PPEF1: variants seen among roughly 807,000 people sequenced by gnomAD.
PPEF1 encodes the protein protein phosphatase with EF-hand domain 1.
In PPEF1, 12 loss-of-function variants were observed where a neutral mutation model predicts 53.3. That is an observed-to-expected ratio of 0.23 (90% CI 0.14 to 0.36). The LOEUF is 0.36. PPEF1 is among the 10% of genes least tolerant of loss of function. The probability of loss-of-function intolerance (pLI) is 1.00; values close to 1 mark genes in which losing one functional copy is unlikely to be tolerated. For missense variants in PPEF1, 334 were observed against 490.4 expected, an observed-to-expected ratio of 0.68 and a Z score of 3.01; for synonymous variants, 165 against 176.7, an observed-to-expected ratio of 0.93 and a Z score of 0.52.
At chrX:18,716,251 C>T (rs180783285) in intron 1 of PPEF1, among the ~76,000 whole-genome samples, 85 of 111,689 alleles carry the variant, frequency 7.6e-4, no homozygotes, top group Non-Finnish European at 1.3e-3. Flanking sequence ...ATCAAACAAT[C>T]GCCAGGCGCG....
chrX:18,801,297 A>G (rs2046540976), intron 10 of PPEF1, among the ~76,000 whole-genome samples: 1 of 111,431 alleles, frequency 9.0e-6, no homozygotes, highest in African/African-American at 3.3e-5. Flanking sequence ...TACTTATTCC[A>G]GGGTAGCTCT....
intron 6 of PPEF1, among the ~76,000 whole-genome samples, chrX:18,765,430 A>G (rs1569259509): frequency 9.0e-6 from 1 of 111,645 alleles, no homozygotes; most frequent in Non-Finnish European, 1.9e-5. Context: ...TATGGGATTC[A>G]TGCCAAATGA....
chrX:18,698,162 A>G (rs1213468331), intron 5 of PPEF1, among the ~76,000 whole-genome samples: 1 of 112,299 alleles, frequency 8.9e-6, no homozygotes, highest in Admixed American at 9.4e-5. Flanking sequence ...TCAGTGCTCA[A>G]TAGATATTAT....
intron 4 of PPEF1, among the ~76,000 whole-genome samples, chrX:18,696,331 T>TTG (rs1444455477): frequency 9.3e-6 from 1 of 107,500 alleles, no homozygotes; most frequent in Non-Finnish European, 1.9e-5. Context: ...TTTTTTTTTT[T>TTG]TTTTAGTAGA....
At chrX:18,800,220 G>A (rs2046521273) in intron 10 of PPEF1, among the ~76,000 whole-genome samples, 1 of 111,305 alleles carries the variant, frequency 9.0e-6, no homozygotes, top group African/African-American at 3.3e-5. Context: ...CCCATCATAT[G>A]TGCATTGAAT....
intron 1 of PPEF1, among the ~76,000 whole-genome samples, chrX:18,712,270 T>C (rs1046212569): frequency 1.8e-5 from 2 of 111,707 alleles, no homozygotes; most frequent in Non-Finnish European, 3.8e-5. Context: ...ATATTAACAA[T>C]TAAATAATCT....
chrX:18,756,727 C>A (rs1213108887), intron 4 of PPEF1, among the ~76,000 whole-genome samples: 1 of 111,856 alleles, frequency 8.9e-6, no homozygotes, highest in Non-Finnish European at 1.9e-5. Flanking sequence ...ATCCAAAGAC[C>A]CAGAGAAATT....
intron 3 of PPEF1, among the ~76,000 whole-genome samples, chrX:18,742,934 T>C (rs747034543): frequency 8.9e-6 from 1 of 112,174 alleles, no homozygotes; most frequent in Non-Finnish European, 1.9e-5. Context: ...CTTTACATGA[T>C]GGCTGGGTCC....
intron 10 of PPEF1, among the ~76,000 whole-genome samples, chrX:18,792,046 A>G (rs1452002806): frequency 8.9e-6 from 1 of 112,700 alleles, no homozygotes; most frequent in Non-Finnish European, 1.9e-5. Flanking sequence ...GTCATGATGT[A>G]TAATCCACCT....
intron 12 of PPEF1, among the ~76,000 whole-genome samples, chrX:18,813,847 A>G (rs1481792933): frequency 8.9e-6 from 1 of 111,902 alleles, no homozygotes; most frequent in African/African-American, 3.2e-5. Flanking sequence ...TTAAAATTTC[A>G]ACTTTTATTT....
intron 3 of PPEF1, among the ~76,000 whole-genome samples, chrX:18,687,034 C>T (rs1045904186): frequency 9.0e-6 from 1 of 111,581 alleles, no homozygotes; most frequent in African/African-American, 3.3e-5. Context: ...GATGGCTGCT[C>T]CTCCTCCAGG....
chrX:18,780,375 A>C (rs1298305198), intron 7 of PPEF1, among the ~76,000 whole-genome samples: 1 of 112,297 alleles, frequency 8.9e-6, no homozygotes, highest in Non-Finnish European at 1.9e-5. Context: ...ACTTATGCAG[A>C]GCTCAGGACA....
chrX:18,819,403 C>T (rs2046986018), intron 13 of PPEF1, among the ~76,000 whole-genome samples: 1 of 111,983 alleles, frequency 8.9e-6, no homozygotes, highest in Admixed American at 9.5e-5. Context: ...TATAAACAGG[C>T]CAGGCGCAGT....
At chrX:18,735,150 T>C (rs1483816222) in intron 3 of PPEF1, among the ~76,000 whole-genome samples, 1 of 112,024 alleles carries the variant, frequency 8.9e-6, no homozygotes. Context: ...CATTTGTCAA[T>C]TTTGGCTTTT....
At chrX:18,788,026 T>G (rs2046242750) in intron 9 of PPEF1, among the ~76,000 whole-genome samples, 1 of 111,837 alleles carries the variant, frequency 8.9e-6, no homozygotes, top group Non-Finnish European at 1.9e-5. Context: ...TAAAAGAAAC[T>G]AAGTGCTTGG....
In PPEF1 at chrX:18,827,737, G is replaced by C; in HGVS notation, c.*250G>C. 3 of 336,473 alleles carry C rather than the reference G, an allele frequency of 8.9e-6. No individual in the cohort carries two copies. The South Asian group carries it at 1.9e-4, about 21-fold the overall frequency. The allele number at this position is 336,473 out of a possible 1,213,427, so 27.7% of individuals were successfully genotyped here. A position where few individuals can be genotyped will look rare whatever the true frequency, so the allele number is the denominator to read the frequency against. Reference sequence around the variant, plus strand: ...CTACATATTGCCAGTGAGAAACTGGGTTGGACCTAGTGGTGTTGTCGTGAG... The same window carrying C: ...CTACATATTGCCAGTGAGAAACTGGCTTGGACCTAGTGGTGTTGTCGTGAG... On this transcript the variant is annotated 3_prime_UTR_variant, in exon 16 of 16. Coordinates refer to ENST00000470157, the MANE Select transcript of PPEF1 (RefSeq NM_001377996.1).
At chrX:18,777,593 C>T (rs1451466672) in intron 6 of PPEF1, among the ~76,000 whole-genome samples, 1 of 110,241 alleles carries the variant, frequency 9.1e-6, no homozygotes, top group East Asian at 2.8e-4. Flanking sequence ...GATCTCCGCT[C>T]ACTGCCAGCT....
intron 10 of PPEF1, among the ~76,000 whole-genome samples, chrX:18,799,615 G>A (rs186846765): frequency 2.7e-5 from 3 of 111,491 alleles, no homozygotes; most frequent in Admixed American, 1.9e-4. Context: ...GCAGACATGC[G>A]CAAGGTCCTT....
rs55997147 is a variant in PPEF1 at position 18,713,420 on chromosome X, C to CTTTTTTTTTTTTTTTT, written c.46+5597_46+5612dup. Among the ~76,000 whole-genome samples, 43 of 77,482 alleles carry CTTTTTTTTTTTTTTTT rather than the reference C, an allele frequency of 5.5e-4. 1 individual carries two copies. The highest frequency in any genetic ancestry group is 1.7e-3 in the African/African-American group (34 of 20,305). 67.3% of individuals were successfully genotyped at this position (77,482 alleles called of 115,157 possible). A position where few individuals can be genotyped will look rare whatever the true frequency, so the allele number is the denominator to read the frequency against. The stretch of plus-strand genomic sequence containing the variant: ...TTGTTCAGAGTATTCCCTTAAAATT[C>CTTTTTTTTTTTTTTTT]TTTTTTTTTTTTTTTTTTCTTTACT... On this transcript the variant is annotated intron_variant, in intron 1 of 15. Coordinates refer to ENST00000470157, the MANE Select transcript of PPEF1 (RefSeq NM_001377996.1).
Sources: gnomAD v4.1 joint callset for allele counts (sites outside exome capture counted in the v4.1 genomes callset) on GRCh38, gnomAD v4.1.1 for gene constraint, MANE v1.5 for transcripts, NCBI Gene and HGNC (gene_info 2026-07-23, HGNC 2026-07-21) for gene names.